BEND2: variants seen among roughly 807,000 people sequenced by gnomAD.
The protein encoded by BEND2 is BEN domain-containing protein 2.
BEND2 carries 19 observed loss-of-function variants against 43.8 expected under a neutral mutation model. The observed-to-expected ratio is 0.43, with a 90% CI of 0.30 to 0.64. The LOEUF is 0.64. Among genes scored for constraint, BEND2 ranks in the 30% least tolerant of loss-of-function variants. The pLI is 0.11. For synonymous variants in BEND2, 226 were observed against 210.1 expected (o/e 1.08, Z -0.66); for missense variants, 544 against 574.0 (o/e 0.95, Z 0.53).
At chrX:18,171,321 G>A in intron 12 of BEND2, 117 bp from the exon 13 acceptor site, 1 of 848,972 alleles carries the variant, frequency 1.2e-6, no homozygotes, top group Non-Finnish European at 1.6e-6. Flanking sequence ...GAATTTGAGA[G>A]GTTAAAAAAT....
intron 11 of BEND2, 122 bp from the exon 12 acceptor site, chrX:18,174,380 C>G: frequency 1.7e-6 from 1 of 586,835 alleles, no homozygotes; most frequent in East Asian, 3.5e-5. Flanking sequence ...AAAAGGTGGG[C>G]TGAAGCCATA....
intron 9 of BEND2, among the ~76,000 whole-genome samples, chrX:18,179,177 C>CTT (rs1924285775): frequency 2.7e-5 from 2 of 74,586 alleles, no homozygotes; most frequent in African/African-American, 1.0e-4. Context: ...ACTTTTGTTT[C>CTT]TGTTTTTTTT....
chrX:18,162,945 ATGTT>A lies in BEND2; in HGVS notation c.*2060_*2063del, dbSNP rs1290001490. Reference sequence around the variant, plus strand: ...GAGCATCTGTATTAAGGCATTTTAAATGTTTATTTATTGTATCTATTTGGGAAAC... The same window carrying A: ...GAGCATCTGTATTAAGGCATTTTAAATATTTATTGTATCTATTTGGGAAAC... On this transcript the variant is annotated 3_prime_UTR_variant, in exon 14 of 14. Coordinates refer to ENST00000380033, the MANE Select transcript of BEND2 (RefSeq NM_153346.5). The A allele has an allele frequency of 8.9e-6, 1 of 112,328 alleles. No individual in the cohort carries two copies. Among genetic ancestry groups the A allele is most frequent in the Admixed American group, 9.5e-5 (1 of 10,563 alleles). The allele number at this position is 112,328 out of a possible 1,213,427, so 9.3% of individuals were successfully genotyped here.
chrX:18,185,734 A>G (rs1015495056), intron 8 of BEND2, among the ~76,000 whole-genome samples: 1 of 110,098 alleles, frequency 9.1e-6, no homozygotes, highest in African/African-American at 3.3e-5. Flanking sequence ...AAGAGAAAAG[A>G]AACAAACAAC....
intron 4 of BEND2, among the ~76,000 whole-genome samples, chrX:18,210,199 T>C (rs768985044): frequency 7.7e-4 from 85 of 111,077 alleles, no homozygotes; most frequent in African/African-American, 2.7e-3. Context: ...GTAGTATATA[T>C]GAAGACTGAA....
Position 18,203,718 on chromosome X carries a change from G to A in BEND2, c.690C>T (p.Phe230=), listed in dbSNP as rs1426237801. 3.3e-6 allele frequency: 4 copies of A among 1,210,568 alleles called. No homozygotes were observed. Among genetic ancestry groups the A allele is most frequent in the Admixed American group, 2.2e-5 (1 of 46,033 alleles). ...YVAQGGSFPC[F]GMPWNFISGG... is the part of the protein sequence containing the mutation. Reference sequence around the variant, plus strand: ...CACTGATAAAGTTCCATGGCATACCGAAACAAGGAAATGAGCCACCTTGTG... The same window carrying A: ...CACTGATAAAGTTCCATGGCATACCAAAACAAGGAAATGAGCCACCTTGTG... The change falls in exon 5 of 14, where the codon TTC becomes TTT. Residue 230 remains phenylalanine, a synonymous_variant. Transcript: ENST00000380033.
At chrX:18,211,893 T>G (rs1000120610) in intron 4 of BEND2, among the ~76,000 whole-genome samples, 2 of 109,678 alleles carry the variant, frequency 1.8e-5, no homozygotes, top group Non-Finnish European at 3.8e-5. Flanking sequence ...TCCAAAACAT[T>G]CTTCTCAGGA....
At position 18,213,762 on chromosome X, in the gene BEND2, A is replaced by AAAAAT; in HGVS notation, c.376+7_376+11dup. On this transcript the variant is annotated intron_variant, in intron 3 of 13. Transcript: ENST00000380033. ...TATCATCTCTACTAAAAATAAAAAT[A>AAAAAT]AAAATAAATACCTGGGCATGGTGGC... The AAAAAT allele has an allele frequency of 6.2e-6, 1 of 162,177 alleles. No individual in the cohort carries two copies. Among genetic ancestry groups the AAAAAT allele is most frequent in the Non-Finnish European group, 1.2e-5 (1 of 84,738 alleles). The allele number at this position is 162,177 out of a possible 1,213,427, so 13.4% of individuals were successfully genotyped here.
chrX:18,178,439 T>C (rs901861492), intron 9 of BEND2, among the ~76,000 whole-genome samples: 1 of 111,770 alleles, frequency 8.9e-6, no homozygotes, highest in African/African-American at 3.2e-5. Context: ...AGTTTTAAAA[T>C]CTGTCTGTTT....
chrX:18,215,824 G>C (rs750567447), intron 2 of BEND2, among the ~76,000 whole-genome samples: 1 of 111,871 alleles, frequency 8.9e-6, no homozygotes, highest in Non-Finnish European at 1.9e-5. Flanking sequence ...TCTAAGCAAA[G>C]GGCAAAGAAC....
chrX:18,193,624 A>G (rs1924847819), intron 7 of BEND2, among the ~76,000 whole-genome samples: 1 of 111,803 alleles, frequency 8.9e-6, no homozygotes, highest in African/African-American at 3.2e-5. Flanking sequence ...ATTATTTCTT[A>G]CAACTACCTA....
intron 13 of BEND2, among the ~76,000 whole-genome samples, chrX:18,168,512 T>G (rs1490022499): frequency 9.0e-6 from 1 of 111,452 alleles, no homozygotes; most frequent in Admixed American, 9.6e-5. Flanking sequence ...GAGATAGGAG[T>G]TCCTGCTGTG....
At chrX:18,173,484 T>C (rs1382850850) in intron 12 of BEND2, among the ~76,000 whole-genome samples, 1 of 111,959 alleles carries the variant, frequency 8.9e-6, no homozygotes, top group Non-Finnish European at 1.9e-5. Flanking sequence ...ACTTCAGATA[T>C]CACTCATCGG....
rs767920982 is a variant in BEND2, at chrX:18,191,094, T to C, written c.1195A>G (p.Met399Val). The change falls in exon 8 of 14, where the codon ATG (methionine) becomes GTG (valine). Residue 399 changes from methionine (M) to valine (V), a missense_variant. Around this residue, in one of 2 missense-constraint regions of BEND2, gnomAD observed 501 missense variants for 501.6 expected, o/e 1.00. Coordinates refer to ENST00000380033, the MANE Select transcript of BEND2 (RefSeq NM_153346.5). ...GAGTAACTCATTGTCCCATAACTCA[T>C]TTGTGGGCCAGATTCTGTTTTGAAC... is the stretch of plus-strand genomic sequence containing the variant. ...ITSNFESGPQ[M>V]SYGTMSYSTE... 8 of 1,199,995 alleles carry C rather than the reference T, an allele frequency of 6.7e-6. No homozygotes were observed. Among genetic ancestry groups the C allele is most frequent in the African/African-American group, 3.5e-5 (2 of 56,919 alleles).
chrX:18,206,162 T>C (rs113660684), intron 4 of BEND2, among the ~76,000 whole-genome samples: 2,457 of 111,435 alleles, frequency 0.022, 75 homozygotes, highest in African/African-American at 0.076. Context: ...CAGTGGTCTC[T>C]TCATGTTACT....
At chrX:18,219,258 C>A (rs755613966) in intron 1 of BEND2, among the ~76,000 whole-genome samples, 90 of 112,543 alleles carry the variant, frequency 8.0e-4, no homozygotes, top group African/African-American at 2.8e-3. Flanking sequence ...TTTTAGTCAA[C>A]CTGAAGCCAG....
intron 13 of BEND2, among the ~76,000 whole-genome samples, chrX:18,168,446 C>T (rs982155002): frequency 2.7e-5 from 3 of 111,883 alleles, no homozygotes; most frequent in Non-Finnish European, 5.6e-5. Context: ...GCTGAGACAG[C>T]GGGTGCCTCA....
At position 18,171,085 on chromosome X, in the gene BEND2, C is replaced by G; in HGVS notation, c.2101G>C (p.Asp701His). The change falls in exon 13 of 14, where the codon GAT becomes CAT. Residue 701 changes from aspartate to histidine, a missense_variant. Asp to His is a moderately conservative substitution (Grantham distance 81, BLOSUM62 -1). Coordinates refer to ENST00000380033, the MANE Select transcript of BEND2 (RefSeq NM_153346.5). ...RYLIQKLFTK[D>H]VLVQSNVYGN... is the part of the protein sequence containing the mutation. ...TAGACGTTACTTTGGACCAGGACAT[C>G]TTTTGTGAAGAGTTTCTGAATAAGG... The G allele has an allele frequency of 8.3e-7, 1 of 1,212,053 alleles. No homozygotes were observed. Among genetic ancestry groups the G allele is most frequent in the Non-Finnish European group, 1.1e-6 (1 of 895,455 alleles).
Position 18,202,733 on chromosome X carries a change from T to A in BEND2, c.907+768A>T, listed in dbSNP as rs867931196. Among the ~76,000 whole-genome samples, 59 of 112,310 alleles carry A rather than the reference T, an allele frequency of 5.3e-4. No homozygotes were observed. The Middle Eastern group carries it at 0.023, about 44-fold the overall frequency. On this transcript the variant is annotated intron_variant, in intron 5 of 13. Transcript: ENST00000380033. ...AATATCTCAATAAAGATTTGTTTTT[T>A]TAAAAAAACCTAAACATGCAATTAA...
Sources: allele counts gnomAD v4.1 joint callset (sites outside exome capture counted in the v4.1 genomes callset), GRCh38; gene constraint gnomAD v4.1.1; regional missense constraint gnomAD v4.1.1; transcripts MANE v1.5; gene names NCBI Gene and HGNC (gene_info 2026-07-23, HGNC 2026-07-21).